Variants in MDFIC2 observed in about 807,000 individuals in gnomAD.
MDFIC2 encodes myoD family inhibitor domain-containing protein 2.
chr3:70,256,770 A>T (rs1480942783), intron 2 of MDFIC2, among the ~76,000 whole-genome samples: 1 of 152,198 alleles, frequency 6.6e-6, no homozygotes, highest in Non-Finnish European at 1.5e-5. Context: ...TTAATCATTT[A>T]CTTCCAAGTT....
rs752267142 is a variant in MDFIC2, at chr3:70,312,611, C to T, written c.-61G>A. 1 of 152,222 alleles carries T rather than the reference C, an allele frequency of 6.6e-6. No homozygotes were observed. Among genetic ancestry groups the T allele is most frequent in the Non-Finnish European group, 1.5e-5 (1 of 68,090 alleles). The allele number at this position is 152,222 out of a possible 1,614,324, so 9.4% of individuals were successfully genotyped here. ...TGGGGAGCAGTGAGCTGCAGCCTCC[C>T]TTGTCTCTGGATGTCCAGCATTCCT... On this transcript the variant is annotated 5_prime_UTR_variant, in exon 1 of 4. Transcript: ENST00000567252.
At chr3:70,286,849 C>A (rs1483321918) in intron 2 of MDFIC2, among the ~76,000 whole-genome samples, 4 of 152,046 alleles carry the variant, frequency 2.6e-5, no homozygotes, top group South Asian at 2.1e-4. Flanking sequence ...CATGATTTGG[C>A]TCTCTGTTTG....
At chr3:70,275,259 A>C (rs1186452940) in intron 2 of MDFIC2, among the ~76,000 whole-genome samples, 1 of 152,212 alleles carries the variant, frequency 6.6e-6, no homozygotes, top group East Asian at 1.9e-4. Context: ...ACAGTGGCTT[A>C]CACCTGTAAT....
At chr3:70,268,234 G>A (rs1388542678) in intron 2 of MDFIC2, among the ~76,000 whole-genome samples, 5 of 152,086 alleles carry the variant, frequency 3.3e-5, no homozygotes, top group African/African-American at 7.2e-5. Flanking sequence ...ACTTTGGGGG[G>A]CCAAGGCAGG....
At chr3:70,308,328 A>G (rs2106707567) in intron 2 of MDFIC2, among the ~76,000 whole-genome samples, 1 of 152,112 alleles carries the variant, frequency 6.6e-6, no homozygotes, top group East Asian at 1.9e-4. Context: ...AAGTGCTGAG[A>G]TTATAGGCAT....
At chr3:70,285,296 GA>G (rs1235177371) in intron 2 of MDFIC2, among the ~76,000 whole-genome samples, 2 of 147,544 alleles carry the variant, frequency 1.4e-5, no homozygotes, top group Admixed American at 1.4e-4. Context: ...CTATGAGTGA[GA>G]ATATGTGGTG....
chr3:70,228,454 A>G (rs1202441437), intron 2 of MDFIC2, among the ~76,000 whole-genome samples: 2 of 151,896 alleles, frequency 1.3e-5, no homozygotes, highest in East Asian at 3.9e-4. Context: ...ACTGATAGAG[A>G]TTCAGAAATA....
intron 2 of MDFIC2, among the ~76,000 whole-genome samples, chr3:70,229,992 G>C (rs1048579329): frequency 6.6e-6 from 1 of 152,050 alleles, no homozygotes; most frequent in Admixed American, 6.6e-5. Context: ...TTTGTACAAA[G>C]TATAATATAT....
chr3:70,245,218 GT>G (rs1174908104), intron 2 of MDFIC2, among the ~76,000 whole-genome samples: 1 of 151,908 alleles, frequency 6.6e-6, no homozygotes, highest in Non-Finnish European at 1.5e-5. Context: ...TTTTAAAAGA[GT>G]TTTTTTCTAA....
chr3:70,291,243 G>A (rs972605845), intron 2 of MDFIC2: 3 of 152,202 alleles, frequency 2.0e-5, no homozygotes, highest in African/African-American at 7.2e-5. Flanking sequence ...ATTGACCTCA[G>A]GTAAGTTACA....
intron 2 of MDFIC2, among the ~76,000 whole-genome samples, chr3:70,229,804 A>G (rs968545366): frequency 6.6e-6 from 1 of 152,210 alleles, no homozygotes; most frequent in African/African-American, 2.4e-5. Flanking sequence ...ATTCACTTTT[A>G]TTAAATTTGG....
intron 2 of MDFIC2, among the ~76,000 whole-genome samples, chr3:70,221,348 C>G (rs11712898): frequency 6.6e-6 from 1 of 151,930 alleles, no homozygotes; most frequent in African/African-American, 2.4e-5. Flanking sequence ...AGTTATTATA[C>G]GTTCAATTTT....
chr3:70,235,781 T>A (rs1380014160), intron 2 of MDFIC2, among the ~76,000 whole-genome samples: 2 of 152,342 alleles, frequency 1.3e-5, no homozygotes, highest in South Asian at 4.1e-4. Context: ...CCCTTGTCAC[T>A]AAGCCTCATT....
At chr3:70,214,670 T>C (rs1701387641) in intron 2 of MDFIC2, among the ~76,000 whole-genome samples, 1 of 150,880 alleles carries the variant, frequency 6.6e-6, no homozygotes, top group African/African-American at 2.4e-5. Context: ...GCCACTATAC[T>C]TTGCACCTGT....
intron 2 of MDFIC2, among the ~76,000 whole-genome samples, chr3:70,212,790 T>TTC (rs1350269491): frequency 1.3e-5 from 2 of 149,242 alleles, no homozygotes; most frequent in Non-Finnish European, 2.9e-5. Flanking sequence ...TTTTCCCATT[T>TTC]TCTCTCTCTT....
chr3:70,306,824 C>T (rs1702405676), intron 2 of MDFIC2, among the ~76,000 whole-genome samples: 1 of 152,106 alleles, frequency 6.6e-6, no homozygotes. Flanking sequence ...AAACTTATTT[C>T]AATACTCTTA....
At chr3:70,276,167 G>A (rs984244041) in intron 2 of MDFIC2, among the ~76,000 whole-genome samples, 2 of 152,040 alleles carry the variant, frequency 1.3e-5, no homozygotes, top group African/African-American at 4.8e-5. Flanking sequence ...CTAGAATAAT[G>A]TTAGGTATAT....
At chr3:70,261,981 G>A (rs1282353385) in intron 2 of MDFIC2, among the ~76,000 whole-genome samples, 2 of 152,078 alleles carry the variant, frequency 1.3e-5, no homozygotes, top group Non-Finnish European at 2.9e-5. Flanking sequence ...ATACCAACCT[G>A]TCCTTCCTTA....
At chr3:70,249,390 G>A (rs1457548684) in intron 2 of MDFIC2, among the ~76,000 whole-genome samples, 2 of 152,084 alleles carry the variant, frequency 1.3e-5, no homozygotes, top group African/African-American at 2.4e-5. Flanking sequence ...TATGAGCATT[G>A]ATTGGAATGC....
Sources: allele counts gnomAD v4.1 joint callset (sites outside exome capture counted in the v4.1 genomes callset), GRCh38; gene constraint gnomAD v4.1.1; transcripts MANE v1.5; gene names NCBI Gene and HGNC (gene_info 2026-07-23, HGNC 2026-07-21).